The following SPATA16 variants were observed in gnomAD, a reference collection of about 807,000 sequenced individuals.
The protein encoded by SPATA16 is spermatogenesis-associated protein 16.
A neutral mutation model predicts 63.3 loss-of-function variants in SPATA16; 36 were observed. The observed-to-expected ratio is 0.57, with a 90% CI of 0.44 to 0.75. The LOEUF is 0.75. SPATA16 is among the 30% of genes least tolerant of loss of function. The pLI is 0.00. For synonymous variants in SPATA16, 203 were observed against 216.7 expected (o/e 0.94, Z 0.56); for missense variants, 646 against 679.3 (o/e 0.95, Z 0.54).
chr3:172,990,006 C>A (rs558914985), intron 4 of SPATA16, among the ~76,000 whole-genome samples: 2 of 152,250 alleles, frequency 1.3e-5, no homozygotes, highest in African/African-American at 2.4e-5. Context: ...TGTTTTCTAC[C>A]CTGTCATAGC....
At chr3:173,128,232 T>C (rs1385314296) in intron 1 of SPATA16, among the ~76,000 whole-genome samples, 1 of 152,130 alleles carries the variant, frequency 6.6e-6, no homozygotes, top group Admixed American at 6.6e-5. Flanking sequence ...AAACATAATG[T>C]CCTCAGCAGT....
At chr3:173,065,852 C>G (rs1489012056) in intron 2 of SPATA16, among the ~76,000 whole-genome samples, 1 of 151,770 alleles carries the variant, frequency 6.6e-6, no homozygotes, top group Non-Finnish European at 1.5e-5. Context: ...TGAGTTCCAG[C>G]TGTTTTATTT....
intron 5 of SPATA16, among the ~76,000 whole-genome samples, chr3:172,966,620 G>A (rs1362308375): frequency 6.6e-6 from 1 of 152,144 alleles, no homozygotes; most frequent in Non-Finnish European, 1.5e-5. Context: ...AAATTATCAT[G>A]AAAAAGAGAA....
chr3:172,958,363 T>C (rs1045513634), intron 5 of SPATA16, among the ~76,000 whole-genome samples: 3 of 152,000 alleles, frequency 2.0e-5, no homozygotes, highest in Admixed American at 6.5e-5. Flanking sequence ...TCAGGAAAAA[T>C]GAAGGTATTT....
At chr3:173,091,369 C>G (rs995246507) in intron 2 of SPATA16, among the ~76,000 whole-genome samples, 18 of 151,762 alleles carry the variant, frequency 1.2e-4, no homozygotes, top group Non-Finnish European at 5.9e-5. Context: ...TCATTACTTG[C>G]TCTTCCAATA....
chr3:173,054,252 A>G (rs1736165326), intron 2 of SPATA16, among the ~76,000 whole-genome samples: 1 of 152,192 alleles, frequency 6.6e-6, no homozygotes, highest in Non-Finnish European at 1.5e-5. Flanking sequence ...TATATGAATA[A>G]AAAACACAGG....
At chr3:173,091,712 T>A (rs570583797) in intron 2 of SPATA16, among the ~76,000 whole-genome samples, 6 of 152,202 alleles carry the variant, frequency 3.9e-5, no homozygotes, top group African/African-American at 1.4e-4. Flanking sequence ...GGTGGAAAAA[T>A]GGTATTTGAA....
chr3:172,966,677 G>A (rs964227254), intron 5 of SPATA16, among the ~76,000 whole-genome samples: 3 of 152,050 alleles, frequency 2.0e-5, no homozygotes, highest in Non-Finnish European at 2.9e-5. Flanking sequence ...AAAAATTAGC[G>A]AAGAAAATAC....
chr3:172,949,081 G>C (rs1045401590), intron 6 of SPATA16, among the ~76,000 whole-genome samples: 4 of 152,032 alleles, frequency 2.6e-5, no homozygotes, highest in African/African-American at 9.7e-5. Context: ...GATTAATAAA[G>C]GGCCAGTAAA....
At chr3:173,045,634 A>G (rs932350210) in intron 3 of SPATA16, among the ~76,000 whole-genome samples, 4 of 152,132 alleles carry the variant, frequency 2.6e-5, no homozygotes, top group Admixed American at 2.6e-4. Flanking sequence ...AGGCAGTCAC[A>G]TTCTAGACGT....
At chr3:173,097,646 A>G (rs1737390762) in intron 2 of SPATA16, among the ~76,000 whole-genome samples, 1 of 152,192 alleles carries the variant, frequency 6.6e-6, no homozygotes, top group Admixed American at 6.6e-5. Context: ...TTAGCAAGGG[A>G]TTTCCTGAAA....
chr3:173,104,213 A>C (rs987579059), intron 2 of SPATA16, among the ~76,000 whole-genome samples: 1 of 152,184 alleles, frequency 6.6e-6, no homozygotes, highest in Non-Finnish European at 1.5e-5. Flanking sequence ...GTTTCTAAGA[A>C]GTTCCAAAGT....
chr3:172,894,658 C>T (rs1391422318), intron 10 of SPATA16, among the ~76,000 whole-genome samples: 2 of 152,166 alleles, frequency 1.3e-5, no homozygotes, highest in Non-Finnish European at 2.9e-5. Context: ...CTCCCAAATT[C>T]ATATGTTGAA....
intron 6 of SPATA16, among the ~76,000 whole-genome samples, chr3:172,931,992 C>A (rs1191230736): frequency 6.6e-6 from 1 of 152,070 alleles, no homozygotes; most frequent in African/African-American, 2.4e-5. Flanking sequence ...CTTAGTGCAA[C>A]CAATGGCAGC....
At position 172,925,345 on chromosome 3, in the gene SPATA16, C is replaced by T; in HGVS notation, c.1228+1G>A. The T allele has an allele frequency of 6.2e-7, 1 of 1,613,844 alleles. No homozygotes were observed. The highest frequency in any genetic ancestry group is 8.5e-7 in the Non-Finnish European group (1 of 1,179,866). The stretch of plus-strand genomic sequence containing the variant: ...AGACCTTGTAGGTTCAGATGATTTA[C>T]CTGTGAATATCGGCAGCTTCCTGCT... On this transcript the variant is annotated splice_donor_variant, in intron 7 of 10. Coordinates refer to ENST00000351008, the MANE Select transcript of SPATA16 (RefSeq NM_031955.6). LOFTEE classifies it high-confidence loss of function.
intron 4 of SPATA16, among the ~76,000 whole-genome samples, chr3:173,012,998 A>G (rs1376650900): frequency 2.0e-5 from 3 of 152,194 alleles, no homozygotes; most frequent in Non-Finnish European, 4.4e-5. Context: ...AAAATGGGAG[A>G]AAATATTTCC....
intron 4 of SPATA16, among the ~76,000 whole-genome samples, chr3:172,977,367 C>A (rs760314952): frequency 4.6e-5 from 7 of 152,072 alleles, no homozygotes; most frequent in Non-Finnish European, 1.0e-4. Flanking sequence ...CTATATTAAG[C>A]TTCAAAGCCC....
chr3:173,051,122 A>G (rs1312263373), intron 2 of SPATA16, among the ~76,000 whole-genome samples: 1 of 152,252 alleles, frequency 6.6e-6, no homozygotes, highest in East Asian at 1.9e-4. Context: ...ACAAATAAAT[A>G]GAAAACAAAA....
intron 1 of SPATA16, among the ~76,000 whole-genome samples, chr3:173,126,769 T>C (rs971814579): frequency 6.6e-6 from 1 of 152,176 alleles, no homozygotes; most frequent in Non-Finnish European, 1.5e-5. Context: ...ACATAATAAA[T>C]CAGTGCTTTT....
Sources: allele counts gnomAD v4.1 joint callset (sites outside exome capture counted in the v4.1 genomes callset), GRCh38; gene constraint gnomAD v4.1.1; transcripts MANE v1.5; gene names NCBI Gene and HGNC (gene_info 2026-07-23, HGNC 2026-07-21).